The following MED17 variants were observed in gnomAD, a reference collection of about 807,000 sequenced individuals.
MED17 encodes the protein mediator of RNA polymerase II transcription subunit 17.
In MED17, 49 loss-of-function variants were observed where a neutral mutation model predicts 80.8. That is an observed-to-expected ratio of 0.61 (90% confidence interval 0.48 to 0.77). MED17 has a LOEUF of 0.77. Ranked by LOEUF, MED17 falls within the 30% of genes least tolerant of loss-of-function variation. MED17 has a pLI of 0.00. For missense variants in MED17, 718 were observed against 787.0 expected (o/e 0.91, Z 1.05); for synonymous variants, 281 against 280.4 (o/e 1.00, Z -0.02).
chr11:93,787,793 T>A (rs1943785609), intron 1 of MED17, among the ~76,000 whole-genome samples: 1 of 152,214 alleles, frequency 6.6e-6, no homozygotes, highest in Admixed American at 6.5e-5. Flanking sequence ...TGGAAATAGA[T>A]GTCATATTCA....
chr11:93,795,472 G>A lies in MED17; in HGVS notation c.1012+412G>A, dbSNP rs150906459. 673 of 180,868 alleles carry A rather than the reference G, an allele frequency of 3.7e-3. 6 individuals are homozygous for A. Among genetic ancestry groups the A allele is most frequent in the Middle Eastern group, 7.7e-3 (3 of 392 alleles). The allele number at this position is 180,868 out of a possible 1,614,324, so 11.2% of individuals were successfully genotyped here. On this transcript the variant is annotated intron_variant, in intron 6 of 11. Transcript: ENST00000251871. ...TCCCAGCACTATGGGAGGCCGAGGC[G>A]GGCATATCACCTGGGGTCAGGAGTT...
At chr11:93,805,225 A>T (rs1205371357) in intron 9 of MED17, among the ~76,000 whole-genome samples, 1 of 152,196 alleles carries the variant, frequency 6.6e-6, no homozygotes, top group Non-Finnish European at 1.5e-5. Context: ...GTCGAGTACC[A>T]GGAAAATAAT....
At position 93,788,112 on chromosome 11, in the gene MED17, A is replaced by T. The variant is rs1352841895; in HGVS notation, c.362A>T (p.Asp121Val). Reference protein sequence around the residue: ...VLYDVLSIVRDKKFMTLDPVS... With the variant: ...VLYDVLSIVRVKKFMTLDPVS... ...TATGATGTTCTCAGTATTGTTAGGG[A>T]TAAAAAATTTATGACTCTTGATCCT... Residue 121 changes from aspartate to valine, a missense_variant, in exon 2 of 12, where the codon GAT (aspartate) becomes GTT (valine). By Grantham distance (152) the Asp-to-Val change is radical. Transcript: ENST00000251871. 3.1e-6 allele frequency: 5 copies of T among 1,613,798 alleles called. No homozygotes were observed. The Admixed American group carries it at 6.7e-5, about 22-fold the overall frequency.
At position 93,784,600 on chromosome 11, in the gene MED17, G is replaced by A. The variant is rs775851663; in HGVS notation, c.87G>A (p.Thr29=). 1 of 1,606,370 alleles carries A rather than the reference G, an allele frequency of 6.2e-7. No individual in the cohort carries two copies. Among genetic ancestry groups the A allele is most frequent in the Non-Finnish European group, 8.5e-7 (1 of 1,177,538 alleles). Residue 29 remains threonine, a synonymous_variant, in exon 1 of 12, where the codon ACG becomes ACA. Coordinates refer to ENST00000251871, the MANE Select transcript of MED17 (RefSeq NM_004268.5). ...AGGTGGGCCTGGATGGCACCGAGACGTACCTGCCCCCGCTGTCCATGTCGC... is the reference window on the plus strand; with the variant it reads ...AGGTGGGCCTGGATGGCACCGAGACATACCTGCCCCCGCTGTCCATGTCGC... The part of the protein sequence containing the change: ...VHEVGLDGTE[T]YLPPLSMSQN...
In MED17 at chr11:93,813,871, C is replaced by T. The variant is rs1944109042; in HGVS notation, c.*1807C>T. 1 of 152,118 alleles carries T rather than the reference C, an allele frequency of 6.6e-6. No homozygotes were observed. Among genetic ancestry groups the T allele is most frequent in the Non-Finnish European group, 1.5e-5 (1 of 68,042 alleles). The allele number at this position is 152,118 out of a possible 1,614,324, so 9.4% of individuals were successfully genotyped here. ...TAACTGGGATTACAGGTGTGTGCCA[C>T]CACGACCGTCTAATTTTTGTAATTT... On this transcript the variant is annotated 3_prime_UTR_variant, in exon 12 of 12. Coordinates refer to ENST00000251871, the MANE Select transcript of MED17 (RefSeq NM_004268.5).
intron 7 of MED17, among the ~76,000 whole-genome samples, 165 bp downstream of exon 7, chr11:93,796,705 T>A (rs907758686): frequency 2.0e-5 from 3 of 152,154 alleles, no homozygotes; most frequent in Non-Finnish European, 4.4e-5. Flanking sequence ...ACAGAGATAA[T>A]CACAATACTG....
At chr11:93,788,652 G>T (rs1212129437) in intron 2 of MED17, 3 of 141,654 alleles carry the variant, frequency 2.1e-5, no homozygotes, top group Non-Finnish European at 4.5e-5. Flanking sequence ...CTGCACTCCA[G>T]CCTGGGCGAC....
At chr11:93,790,269 C>A in intron 2 of MED17, 3 of 486,882 alleles carry the variant, frequency 6.2e-6, no homozygotes, top group Non-Finnish European at 1.2e-5. Context: ...GGATAGGGGG[C>A]TGGCAATATA....
intron 9 of MED17, among the ~76,000 whole-genome samples, chr11:93,804,922 A>T (rs1271623226): frequency 6.6e-6 from 1 of 152,232 alleles, no homozygotes; most frequent in African/African-American, 2.4e-5. Context: ...GAAAAACTAT[A>T]TACAGGAAAT....
At chr11:93,787,876 AAG>A (rs1481700163) in intron 1 of MED17, 123 bp from the exon 2 acceptor site, 3 of 854,942 alleles carry the variant, frequency 3.5e-6, no homozygotes, top group African/African-American at 1.7e-5. Flanking sequence ...TGGCATAAAT[AAG>A]AGAACAATTT....
rs1219943891 is a variant in MED17, at chr11:93,814,955, G to A, written c.*2891G>A. The A allele has an allele frequency of 6.6e-6, 1 of 152,096 alleles. No homozygotes were observed. The highest frequency in any genetic ancestry group is 1.5e-5 in the Non-Finnish European group (1 of 68,026). The allele number at this position is 152,096 out of a possible 1,614,324, so 9.4% of individuals were successfully genotyped here. ...GTATTGCTGATGAATAAAAACAGGG[G>A]CAACTACATTATTTAGTAAGTTCAC... On this transcript the variant is annotated 3_prime_UTR_variant, in exon 12 of 12. Transcript: ENST00000251871.
chr11:93,790,613 C>G lies in MED17; in HGVS notation c.457C>G (p.Leu153Val). 1 of 1,614,162 alleles carries G rather than the reference C, an allele frequency of 6.2e-7. No individual in the cohort carries two copies. ...TLQLISKKKS[L>V]AGAAQILLKG... is the part of the protein sequence containing the mutation. ...GCAATTGATATCTAAAAAGAAGTCA[C>G]TTGCTGGAGCAGCACAAATCTTATT... is the stretch of plus-strand genomic sequence containing the variant. The change falls in exon 3 of 12, where the codon CTT becomes GTT. Residue 153 changes from leucine (L) to valine (V), a missense_variant. By Grantham distance (32) the Leu-to-Val change is conservative (BLOSUM62 1). Transcript: ENST00000251871.
In MED17 at chr11:93,790,666, A is replaced by T; in HGVS notation, c.510A>T (p.Ser170=). 6.2e-7 allele frequency: 1 copy of T among 1,614,254 alleles called. No homozygotes were observed. The highest frequency in any genetic ancestry group is 8.5e-7 in the Non-Finnish European group (1 of 1,180,034). The change falls in exon 3 of 12, where the codon TCA becomes TCT. Residue 170 remains serine (S), a synonymous_variant. Coordinates refer to ENST00000251871, the MANE Select transcript of MED17 (RefSeq NM_004268.5). ...AGGGGGCAGAAAGACTGACTAAATC[A>T]GTTACCGAAAACCAAGAAAACAAGC... ...LLKGAERLTK[S]VTENQENKLQ...
intron 10 of MED17, 79 bp downstream of exon 10, chr11:93,807,714 A>G: frequency 1.1e-6 from 1 of 905,986 alleles, no homozygotes; most frequent in Non-Finnish European, 1.9e-6. Flanking sequence ...AAGTAGTTAA[A>G]ATGTAATAAA....
intron 7 of MED17, 33 bp downstream of exon 7, chr11:93,796,573 G>T: frequency 6.2e-7 from 1 of 1,612,146 alleles, no homozygotes. Context: ...TTGCGCTGTG[G>T]TGAGTATGTC....
At chr11:93,796,263 T>G in intron 6 of MED17, 147 bp from the exon 7 acceptor site, 1 of 836,370 alleles carries the variant, frequency 1.2e-6, no homozygotes, top group South Asian at 1.5e-5. Context: ...ATAGTAATCT[T>G]GATATACAGA....
intron 11 of MED17, chr11:93,810,746 G>T (rs1467115595): frequency 6.6e-6 from 1 of 152,242 alleles, no homozygotes; most frequent in Non-Finnish European, 1.5e-5. Context: ...ATAGGCACTT[G>T]TATGAGTATT....
At position 93,794,007 on chromosome 11, in the gene MED17, C is replaced by T; in HGVS notation, c.831C>T (p.Phe277=). 1 of 1,613,974 alleles carries T rather than the reference C, an allele frequency of 6.2e-7. No individual in the cohort carries two copies. The highest frequency in any genetic ancestry group is 8.5e-7 in the Non-Finnish European group (1 of 1,179,956). The change falls in exon 5 of 12, where the codon TTC becomes TTT. Residue 277 remains phenylalanine, a synonymous_variant. Transcript: ENST00000251871. ...DIGDLGTVNL[F]KRPLPKSKPG... is the part of the protein sequence containing the mutation. ...GTGACCTCGGCACAGTTAACCTCTTCAAACGACCTTTGCCCAAATCCAAAC... is the reference window on the plus strand; with the variant it reads ...GTGACCTCGGCACAGTTAACCTCTTTAAACGACCTTTGCCCAAATCCAAAC...
rs1189959150 is a variant in MED17, at chr11:93,814,043, T to C, written c.*1979T>C. On this transcript the variant is annotated 3_prime_UTR_variant, in exon 12 of 12. Coordinates refer to ENST00000251871, the MANE Select transcript of MED17 (RefSeq NM_004268.5). ...CCAAATATAAACATTTCTGAATGCTTTATTTTTTATTTCTCTGCTTGTCAT... is the reference window on the plus strand; with the variant it reads ...CCAAATATAAACATTTCTGAATGCTCTATTTTTTATTTCTCTGCTTGTCAT... 2.6e-5 allele frequency: 4 copies of C among 152,202 alleles called. No homozygotes were observed. The highest frequency in any genetic ancestry group is 5.9e-5 in the Non-Finnish European group (4 of 68,066). The allele number at this position is 152,202 out of a possible 1,614,324, so 9.4% of individuals were successfully genotyped here. A position where few individuals can be genotyped will look rare whatever the true frequency, so the allele number is the denominator to read the frequency against.
Sources: gnomAD v4.1 joint callset for allele counts (sites outside exome capture counted in the v4.1 genomes callset) on GRCh38, gnomAD v4.1.1 for gene constraint, MANE v1.5 for transcripts, NCBI Gene and HGNC (gene_info 2026-07-23, HGNC 2026-07-21) for gene names.